Variants in ZFHX3 observed in about 807,000 individuals in gnomAD.
ZFHX3 encodes the protein zinc finger homeobox 3.
A neutral mutation model predicts 279.1 loss-of-function variants in ZFHX3; 42 were observed. The observed-to-expected ratio is 0.15, with a 90% CI of 0.12 to 0.19. ZFHX3 has a LOEUF of 0.19. ZFHX3 is among the 10% of genes least tolerant of loss of function. The probability of loss-of-function intolerance (pLI) is 1.00; values close to 1 mark genes in which losing one functional copy is unlikely to be tolerated. For missense variants in ZFHX3, 4,981 were observed against 4,754.0 expected, an observed-to-expected ratio of 1.05 and a Z score of -1.40; for synonymous variants, 2,293 against 1,957.8, an observed-to-expected ratio of 1.17 and a Z score of -4.52.
At chr16:73,582,425 A>G (rs1009256767) in intron 2 of ZFHX3, among the ~76,000 whole-genome samples, 2 of 150,956 alleles carry the variant, frequency 1.3e-5, no homozygotes, top group Non-Finnish European at 2.9e-5. Flanking sequence ...CTTCACAGTT[A>G]GGATATAGGA....
intron 2 of ZFHX3, among the ~76,000 whole-genome samples, chr16:73,600,174 G>T (rs1207878071): frequency 6.6e-6 from 1 of 152,200 alleles, no homozygotes. Flanking sequence ...GGATAAGGTT[G>T]TATTAACAAG....
intron 1 of ZFHX3, among the ~76,000 whole-genome samples, chr16:73,693,590 G>A (rs1219767928): frequency 3.3e-5 from 5 of 152,006 alleles, no homozygotes; most frequent in African/African-American, 9.7e-5. Flanking sequence ...GGTTCTTTCC[G>A]CTACATAAAG....
chr16:72,946,928 A>G (rs1397730897), intron 3 of ZFHX3, among the ~76,000 whole-genome samples: 3 of 152,180 alleles, frequency 2.0e-5, no homozygotes, highest in Non-Finnish European at 4.4e-5. Context: ...TGCCTTCTGC[A>G]TTTTTCCATG....
intron 8 of ZFHX3, among the ~76,000 whole-genome samples, chr16:73,088,621 A>G (rs1966037588): frequency 6.6e-6 from 1 of 152,216 alleles, no homozygotes; most frequent in Non-Finnish European, 1.5e-5. Context: ...TGCTCAGGCA[A>G]GTTTTTGGGG....
At chr16:73,858,834 A>G (rs1296872892) in intron 1 of ZFHX3, among the ~76,000 whole-genome samples, 3 of 152,222 alleles carry the variant, frequency 2.0e-5, no homozygotes, top group Admixed American at 2.0e-4. Context: ...AGCTTTCAGT[A>G]CATTATGAGA....
intron 7 of ZFHX3, among the ~76,000 whole-genome samples, chr16:72,805,286 G>C (rs2036229925): frequency 1.3e-5 from 2 of 152,074 alleles, no homozygotes; most frequent in African/African-American, 2.4e-5. Context: ...CTGGCCAGCA[G>C]AGATATTTTC....
chr16:73,576,499 A>G (rs138838120), intron 2 of ZFHX3, among the ~76,000 whole-genome samples: 3 of 152,306 alleles, frequency 2.0e-5, no homozygotes, highest in African/African-American at 7.2e-5. Context: ...ATGTGGACAG[A>G]TAATTATTAC....
At chr16:72,858,532 T>C (rs1249710665) in intron 4 of ZFHX3, among the ~76,000 whole-genome samples, 1 of 152,334 alleles carries the variant, frequency 6.6e-6, no homozygotes, top group East Asian at 1.9e-4. Flanking sequence ...CTTTTATACA[T>C]TAATCAATCA....
intron 2 of ZFHX3, chr16:73,679,548 A>G (rs769123035): frequency 1.3e-5 from 2 of 152,188 alleles, no homozygotes; most frequent in East Asian, 1.9e-4. Context: ...AACAAAAACA[A>G]AAACAAAAAA....
In ZFHX3 at chr16:72,959,063, T is replaced by C. The variant is rs754023193; in HGVS notation, c.1083A>G (p.Gly361=). 10 of 1,614,062 alleles carry C rather than the reference T, an allele frequency of 6.2e-6. No individual in the cohort carries two copies. In the East Asian group the frequency reaches 8.9e-5, roughly 14 times the overall value. Residue 361 remains glycine (G), a synonymous_variant, in exon 2 of 10, where the codon GGA becomes GGG. Coordinates refer to ENST00000268489, the MANE Select transcript of ZFHX3 (RefSeq NM_006885.4). ...CACTAAATTTACCATAAAAACTGTG[T>C]CCGGGGCCTATGAGGTTAGCTGTGG... is the stretch of plus-strand genomic sequence containing the variant. ...LVSTANLIGP[G]HSFYGKFSGI...
In ZFHX3 at chr16:72,837,515, G is replaced by A. The variant is rs545175284; in HGVS notation, c.3449-7656C>T. Among the ~76,000 whole-genome samples the A allele has an allele frequency of 3.7e-3, 487 of 132,394 alleles. 5 individuals are homozygous for A. Among genetic ancestry groups the A allele is most frequent in the African/African-American group, 0.013 (466 of 35,482 alleles). The allele number at this position is 132,394 out of a possible 152,430, so 86.9% of individuals were successfully genotyped here. Reference sequence around the variant, plus strand: ...TTTTTTTGAGACGGGGTCTTTCTTCGTCACCCAGGCTGGAGTGCAGTGGTG... The same window carrying A: ...TTTTTTTGAGACGGGGTCTTTCTTCATCACCCAGGCTGGAGTGCAGTGGTG... On this transcript the variant is annotated intron_variant, in intron 4 of 9. Coordinates refer to ENST00000268489, the MANE Select transcript of ZFHX3 (RefSeq NM_006885.4).
chr16:73,276,599 A>G (rs73603349), intron 4 of ZFHX3, among the ~76,000 whole-genome samples: 3,235 of 152,294 alleles, frequency 0.021, 121 homozygotes, highest in African/African-American at 0.073. Context: ...TCTTTTAAAA[A>G]TATTTCCTTT....
At chr16:73,415,774 A>AGGGCATTG (rs2017559991) in intron 3 of ZFHX3, among the ~76,000 whole-genome samples, 1 of 152,156 alleles carries the variant, frequency 6.6e-6, no homozygotes, top group Non-Finnish European at 1.5e-5. Flanking sequence ...GCTGCCTGTC[A>AGGGCATTG]TAGGATCACA....
At chr16:72,967,002 G>A (rs1309160768) in intron 1 of ZFHX3, among the ~76,000 whole-genome samples, 1 of 152,188 alleles carries the variant, frequency 6.6e-6, no homozygotes, top group Non-Finnish European at 1.5e-5. Flanking sequence ...ATTCCTGGGT[G>A]TTATCTATGG....
At chr16:73,269,511 T>C (rs1199478153) in intron 4 of ZFHX3, among the ~76,000 whole-genome samples, 1 of 152,232 alleles carries the variant, frequency 6.6e-6, no homozygotes, top group Admixed American at 6.5e-5. Context: ...TGTTGTTTTA[T>C]TGTTAAGTGG....
intron 3 of ZFHX3, among the ~76,000 whole-genome samples, chr16:72,934,928 T>C (rs1960039483): frequency 6.6e-6 from 1 of 152,186 alleles, no homozygotes. Flanking sequence ...TGTCAGGGGA[T>C]CATGAAATCC....
rs188453174 is a variant in ZFHX3 at position 72,957,070 on chromosome 16, T to G, written c.2719+357A>C. Among the ~76,000 whole-genome samples the G allele has an allele frequency of 5.8e-3, 888 of 152,290 alleles. 8 individuals are homozygous for G. Among genetic ancestry groups the G allele is most frequent in the Middle Eastern group, 0.01 (3 of 294 alleles). ...AGCTACAGTTTCCTGTAAGTTTCAG[T>G]AAATATTCGATGAAACCCCAAAGTT... On this transcript the variant is annotated intron_variant, in intron 2 of 9. Transcript: ENST00000268489.
chr16:73,749,161 C>A (rs185012741), intron 1 of ZFHX3, among the ~76,000 whole-genome samples: 24 of 152,280 alleles, frequency 1.6e-4, no homozygotes, highest in African/African-American at 5.5e-4. Context: ...TGGACCACTT[C>A]CCACATGCAC....
chr16:73,851,202 A>C (rs567402379), intron 1 of ZFHX3, among the ~76,000 whole-genome samples: 2 of 152,160 alleles, frequency 1.3e-5, no homozygotes, highest in Non-Finnish European at 2.9e-5. Context: ...TCGCTACAAC[A>C]TGGTACCTAG....
Sources: gnomAD v4.1 joint callset for allele counts (sites outside exome capture counted in the v4.1 genomes callset) on GRCh38, gnomAD v4.1.1 for gene constraint, MANE v1.5 for transcripts, NCBI Gene and HGNC (gene_info 2026-07-23, HGNC 2026-07-21) for gene names.